Variants in IRAK1BP1 observed in about 807,000 individuals in gnomAD.
IRAK1BP1 encodes interleukin 1 receptor associated kinase 1 binding protein 1.
A neutral mutation model predicts 28.0 loss-of-function variants in IRAK1BP1; 24 were observed. The ratio of observed to expected loss-of-function variants is 0.86; its 90% CI spans 0.62 to 1.20. The LOEUF is 1.20. Among genes scored for constraint, IRAK1BP1 ranks in the 50% most tolerant of loss-of-function variants. IRAK1BP1 has a pLI of 0.00. For synonymous variants in IRAK1BP1, 131 were observed against 116.3 expected (o/e 1.13, Z -0.81); for missense variants, 336 against 316.7 (o/e 1.06, Z -0.46).
Position 78,899,825 on chromosome 6 carries a change from A to G in IRAK1BP1, c.*1491A>G, listed in dbSNP as rs572921908. ...AATAACATTTTATTTAACCAAATAT[A>G]TCAAAAATATTATTTCAGCATGTAA... On this transcript the variant is annotated 3_prime_UTR_variant, in exon 4 of 4. Transcript: ENST00000369940. 6.6e-6 allele frequency: 1 copy of G among 152,370 alleles called. No individual in the cohort carries two copies. The highest frequency in any genetic ancestry group is 2.1e-4 in the South Asian group (1 of 4,832). The allele number at this position is 152,370 out of a possible 1,614,324, so 9.4% of individuals were successfully genotyped here. A position where few individuals can be genotyped will look rare whatever the true frequency, so the allele number is the denominator to read the frequency against.
At chr6:78,933,335 A>C (rs1002013018) in intron 4 of IRAK1BP1, among the ~76,000 whole-genome samples, 1 of 152,210 alleles carries the variant, frequency 6.6e-6, no homozygotes, top group Non-Finnish European at 1.5e-5. Context: ...ATCATGAACC[A>C]GGCCGGACGC....
intron 4 of IRAK1BP1, chr6:78,935,727 T>C: frequency 3.0e-6 from 3 of 985,274 alleles, no homozygotes; most frequent in Non-Finnish European, 3.6e-6. Flanking sequence ...CACTGGAAAC[T>C]CTAATGAACC....
chr6:78,947,648 G>A (rs760918638), downstream of IRAK1BP1: 1 of 1,475,948 alleles, frequency 6.8e-7, no homozygotes, highest in South Asian at 1.1e-5. Context: ...TGGTGTATAT[G>A]CTTTGGAATT....
chr6:78,971,309 G>GT, the IRAK1BP1 span, among the ~76,000 whole-genome samples: 1 of 152,152 alleles, frequency 6.6e-6, no homozygotes, highest in Non-Finnish European at 1.5e-5. Context: ...ACAAATCCTG[G>GT]TAAGACAGCA....
chr6:78,941,215 A>G (rs1453388139), intron 4 of IRAK1BP1: 1 of 1,613,926 alleles, frequency 6.2e-7, no homozygotes, highest in East Asian at 2.2e-5. Flanking sequence ...CACTATTGGT[A>G]TTAACTTCTA....
At chr6:78,936,977 A>C (rs1244783470) in intron 4 of IRAK1BP1, 4 of 151,818 alleles carry the variant, frequency 2.6e-5, no homozygotes, top group African/African-American at 9.7e-5. Context: ...ATTCTTGCCT[A>C]AGTGTAACAA....
In IRAK1BP1 at chr6:78,892,035, T is replaced by C. The variant is rs536288969; in HGVS notation, c.382-5794T>C. ...TGATCAATAGAGAATCTTTGAACAT[T>C]AAGCCAAAATTGACTCACTAGTAGC... On this transcript the variant is annotated intron_variant, in intron 2 of 3. Coordinates refer to ENST00000369940, the MANE Select transcript of IRAK1BP1 (RefSeq NM_001010844.4). Among the ~76,000 whole-genome samples, 107 of 152,332 alleles carry C rather than the reference T, an allele frequency of 7.0e-4. No individual in the cohort carries two copies. In the South Asian group the frequency reaches 7.9e-3, roughly 11 times the overall value.
chr6:78,977,782 C>T, the IRAK1BP1 span, among the ~76,000 whole-genome samples: 2 of 152,144 alleles, frequency 1.3e-5, no homozygotes, highest in Non-Finnish European at 2.9e-5. Context: ...CTCTTCAAGT[C>T]GTATGAGGCA....
chr6:78,869,452 G>A (rs1770714452), intron 1 of IRAK1BP1, among the ~76,000 whole-genome samples: 1 of 152,198 alleles, frequency 6.6e-6, no homozygotes, highest in Non-Finnish European at 1.5e-5. Flanking sequence ...TCCGGGAGGC[G>A]AAGGTTTCAG....
At chr6:78,869,275 T>G (rs1309628959) in intron 1 of IRAK1BP1, among the ~76,000 whole-genome samples, 4 of 152,120 alleles carry the variant, frequency 2.6e-5, no homozygotes, top group Admixed American at 2.6e-4. Flanking sequence ...ATGCCAACAC[T>G]TTGGGAGGCC....
At chr6:78,941,831 T>C (rs1030492493) in intron 4 of IRAK1BP1, among the ~76,000 whole-genome samples, 2 of 152,188 alleles carry the variant, frequency 1.3e-5, no homozygotes, top group Admixed American at 1.3e-4. Context: ...TGTGCCACCA[T>C]TATCATGATT....
intron 1 of IRAK1BP1, among the ~76,000 whole-genome samples, chr6:78,868,671 G>C (rs1248670690): frequency 6.6e-6 from 1 of 152,162 alleles, no homozygotes; most frequent in Non-Finnish European, 1.5e-5. Context: ...TAATATCCCT[G>C]TTTTCCAAAT....
intron 4 of IRAK1BP1, among the ~76,000 whole-genome samples, chr6:78,931,089 T>C (rs963258174): frequency 5.9e-5 from 9 of 152,196 alleles, no homozygotes; most frequent in Non-Finnish European, 5.9e-5. Context: ...ATCTTAAATT[T>C]AGAAAAAATG....
chr6:78,945,333 T>A (rs1562113213), intron 4 of IRAK1BP1: 1 of 1,613,422 alleles, frequency 6.2e-7, no homozygotes, highest in Non-Finnish European at 8.5e-7. Flanking sequence ...TTTGAAAGAG[T>A]GGACGCCTTT....
At chr6:78,914,506 A>T (rs1271795611) in intron 4 of IRAK1BP1, among the ~76,000 whole-genome samples, 1 of 152,240 alleles carries the variant, frequency 6.6e-6, no homozygotes, top group Non-Finnish European at 1.5e-5. Context: ...ACGCAGTTGT[A>T]ATGTGACATT....
At chr6:78,958,324 T>TA in the IRAK1BP1 span, 3 of 529,292 alleles carry the variant, frequency 5.7e-6, no homozygotes, top group Non-Finnish European at 1.0e-5. Flanking sequence ...CAGAGACCTT[T>TA]AGATCTTCAG....
chr6:78,939,034 C>T (rs2127675680), intron 4 of IRAK1BP1: 1 of 151,744 alleles, frequency 6.6e-6, no homozygotes, highest in Admixed American at 6.6e-5. Flanking sequence ...ATTTTGATTA[C>T]ATTTTTGTAC....
At chr6:78,921,760 A>G (rs1772737432) in intron 4 of IRAK1BP1, among the ~76,000 whole-genome samples, 1 of 152,174 alleles carries the variant, frequency 6.6e-6, no homozygotes, top group Non-Finnish European at 1.5e-5. Flanking sequence ...AACATTGGCT[A>G]TTCACCAATA....
At chr6:78,954,789 A>C in the IRAK1BP1 span, 4 of 1,526,310 alleles carry the variant, frequency 2.6e-6, no homozygotes, top group Admixed American at 2.1e-5. Context: ...TGACAGGTAA[A>C]GAAAATATTT....
Sources: gnomAD v4.1 joint callset for allele counts (sites outside exome capture counted in the v4.1 genomes callset) on GRCh38, gnomAD v4.1.1 for gene constraint, MANE v1.5 for transcripts, NCBI Gene and HGNC (gene_info 2026-07-23, HGNC 2026-07-21) for gene names.